Variants in KREMEN1 observed in about 807,000 individuals in gnomAD.
KREMEN1 encodes the protein kringle containing transmembrane protein 1.
A neutral mutation model predicts 46.5 loss-of-function variants in KREMEN1; 30 were observed. That is an observed-to-expected ratio of 0.65 (90% confidence interval 0.48 to 0.88). The LOEUF (loss-of-function observed/expected upper bound fraction) is 0.88. Among genes scored for constraint, KREMEN1 ranks in the 40% least tolerant of loss-of-function variants. The probability of loss-of-function intolerance (pLI) is 0.00; values close to 1 mark genes in which losing one functional copy is unlikely to be tolerated. For missense variants in KREMEN1, 533 were observed against 596.9 expected, an observed-to-expected ratio of 0.89 and a Z score of 1.11; for synonymous variants, 214 against 230.6, an observed-to-expected ratio of 0.93 and a Z score of 0.65.
chr22:29,122,986 C>T (rs1484262005), intron 4 of KREMEN1, among the ~76,000 whole-genome samples: 2 of 142,500 alleles, frequency 1.4e-5, no homozygotes, highest in South Asian at 4.6e-4. Context: ...TTATATACAA[C>T]GTGGATGAAT....
rs1270647098 is a variant in KREMEN1, at chr22:29,142,464, G to T, written c.*352G>T. 3.0e-5 allele frequency: 31 copies of T among 1,030,650 alleles called. No homozygotes were observed. The highest frequency in any genetic ancestry group is 8.1e-5 in the East Asian group (1 of 12,276). The allele number at this position is 1,030,650 out of a possible 1,614,324, so 63.8% of individuals were successfully genotyped here. ...ACAGGGCTCAGGTACATTCTAGATGGCTGTCAGGTGGTGGGTAGCTTTAGT... is the reference window on the plus strand; with the variant it reads ...ACAGGGCTCAGGTACATTCTAGATGTCTGTCAGGTGGTGGGTAGCTTTAGT... On this transcript the variant is annotated 3_prime_UTR_variant, in exon 9 of 9. Coordinates refer to ENST00000400335, the MANE Select transcript of KREMEN1 (RefSeq NM_001039570.3).
intron 9 of KREMEN1, among the ~76,000 whole-genome samples, chr22:29,162,714 C>T (rs1238991781): frequency 1.4e-5 from 2 of 142,538 alleles, no homozygotes; most frequent in South Asian, 2.2e-4. Flanking sequence ...CTCCGTCACA[C>T]AAAAAAAAAG....
At chr22:29,078,962 G>T (rs1485477765) in intron 1 of KREMEN1, among the ~76,000 whole-genome samples, 1 of 152,196 alleles carries the variant, frequency 6.6e-6, no homozygotes, top group Admixed American at 6.5e-5. Context: ...GAATCCAGCT[G>T]GAACCCGTAA....
chr22:29,082,748 G>A (rs564090709), intron 1 of KREMEN1, among the ~76,000 whole-genome samples: 1 of 152,334 alleles, frequency 6.6e-6, no homozygotes, highest in East Asian at 1.9e-4. Flanking sequence ...TGTGGCAGCA[G>A]GCACTGTGAC....
chr22:29,125,081 G>T lies in KREMEN1; in HGVS notation c.478-182G>T, dbSNP rs1037645798. On this transcript the variant is annotated intron_variant, in intron 4 of 8. Coordinates refer to ENST00000400335, the MANE Select transcript of KREMEN1 (RefSeq NM_001039570.3). Reference sequence around the variant, plus strand: ...CCGACAGGGAAACACATTGGTGGTTGCGTACTTATTGTTCAGCTTGAAATT... The same window carrying T: ...CCGACAGGGAAACACATTGGTGGTTTCGTACTTATTGTTCAGCTTGAAATT... The T allele has an allele frequency of 3.4e-4, 218 of 640,254 alleles. 1 individual carries two copies. Among genetic ancestry groups the T allele is most frequent in the Non-Finnish European group, 5.8e-5 (21 of 360,184 alleles). The allele number at this position is 640,254 out of a possible 1,614,324, so 39.7% of individuals were successfully genotyped here.
chr22:29,094,572 T>TACACACACACACACACACACACAC (rs134658), intron 2 of KREMEN1, 152 bp downstream of exon 2: 1 of 253,928 alleles, frequency 3.9e-6, no homozygotes, highest in African/African-American at 2.7e-5. Context: ...TTTCACACCT[T>TACACACACACACACACACACACAC]ACACACACAC....
rs1261380914 is a variant in KREMEN1 at position 29,073,897 on chromosome 22, C to T, written c.97+670C>T. On this transcript the variant is annotated intron_variant, in intron 1 of 8. Transcript: ENST00000400335. The surrounding 1 kb of genome is among the most constrained non-coding windows in gnomAD (Gnocchi z 4.4). ...CGCACCTTGCACCGGGACGACTCCCCCGCTACAAGAGGCTATACGCCCCTC... is the reference window on the plus strand; with the variant it reads ...CGCACCTTGCACCGGGACGACTCCCTCGCTACAAGAGGCTATACGCCCCTC... Among the ~76,000 whole-genome samples the T allele has an allele frequency of 6.6e-6, 1 of 152,178 alleles. No individual in the cohort carries two copies. The highest frequency in any genetic ancestry group is 2.4e-5 in the African/African-American group (1 of 41,464).
chr22:29,101,566 G>A (rs1028894426), intron 3 of KREMEN1, among the ~76,000 whole-genome samples: 2 of 152,208 alleles, frequency 1.3e-5, no homozygotes, highest in Admixed American at 1.3e-4. Context: ...TTGCAGTCCT[G>A]TAAGCTTCAT....
At chr22:29,086,989 C>T (rs2037740076) in intron 1 of KREMEN1, among the ~76,000 whole-genome samples, 2 of 151,992 alleles carry the variant, frequency 1.3e-5, no homozygotes, top group Non-Finnish European at 1.5e-5. Context: ...TCTTGAACTC[C>T]TGGGCTCAAG....
At chr22:29,117,380 A>ACT (rs2145804282) in intron 3 of KREMEN1, among the ~76,000 whole-genome samples, 1 of 152,308 alleles carries the variant, frequency 6.6e-6, no homozygotes, top group East Asian at 1.9e-4. Context: ...ATCCTGGCTA[A>ACT]CATGGTGAAA....
In KREMEN1 at chr22:29,125,474, A is replaced by G. The variant is rs2038427258; in HGVS notation, c.631+58A>G. ...GCACAGGAACCCTTGGACCAGAGCA[A>G]CAAGCCTGCCCACCCTCCCTCCCTT... On this transcript the variant is annotated intron_variant, in intron 5 of 8. Coordinates refer to ENST00000400335, the MANE Select transcript of KREMEN1 (RefSeq NM_001039570.3). The G allele has an allele frequency of 6.4e-6, 10 of 1,572,438 alleles. No homozygotes were observed. In the South Asian group the frequency reaches 1.1e-4, roughly 18 times the overall value.
intron 5 of KREMEN1, among the ~76,000 whole-genome samples, chr22:29,136,390 G>A (rs1264647418): frequency 1.3e-5 from 2 of 151,700 alleles, no homozygotes; most frequent in East Asian, 2.0e-4. Context: ...TGGCTAACAC[G>A]GTGAAACCCC....
chr22:29,162,057 C>CAGTGAGCCGAGATTGT (rs2039016321), intron 9 of KREMEN1, among the ~76,000 whole-genome samples: 1 of 151,040 alleles, frequency 6.6e-6, no homozygotes, highest in African/African-American at 2.4e-5. Context: ...GTGGAGGTTG[C>CAGTGAGCCGAGATTGT]AGTGAGCCGA....
intron 9 of KREMEN1, among the ~76,000 whole-genome samples, chr22:29,162,406 T>C (rs1386879262): frequency 1.5e-5 from 2 of 130,236 alleles, no homozygotes; most frequent in Non-Finnish European, 1.6e-5. Context: ...CACTGAAGCA[T>C]TCCCCCTTGG....
intron 1 of KREMEN1, among the ~76,000 whole-genome samples, chr22:29,075,376 C>G (rs571015486): frequency 1.3e-5 from 2 of 152,298 alleles, no homozygotes; most frequent in South Asian, 4.1e-4. Context: ...GGAAGCTAGT[C>G]TCTTCCCAGA....
intron 9 of KREMEN1, among the ~76,000 whole-genome samples, chr22:29,166,456 G>A (rs1201814219): frequency 6.6e-6 from 1 of 152,172 alleles, no homozygotes; most frequent in Non-Finnish European, 1.5e-5. Context: ...GCATGGGGAG[G>A]TCCCCCTAGA....
intron 1 of KREMEN1, among the ~76,000 whole-genome samples, chr22:29,085,608 A>G (rs964531673): frequency 1.3e-5 from 2 of 152,188 alleles, no homozygotes; most frequent in Non-Finnish European, 2.9e-5. Context: ...ATCTCTATTA[A>G]GCCTTAGATT....
At chr22:29,078,851 C>T (rs1032494776) in intron 1 of KREMEN1, among the ~76,000 whole-genome samples, 2 of 152,248 alleles carry the variant, frequency 1.3e-5, no homozygotes, top group African/African-American at 4.8e-5. Context: ...CCAGCACCCC[C>T]AACGCCACTT....
intron 9 of KREMEN1, among the ~76,000 whole-genome samples, chr22:29,153,870 G>A (rs1321566979): frequency 6.6e-6 from 1 of 151,932 alleles, no homozygotes; most frequent in African/African-American, 2.4e-5. Context: ...ACTCCGGGAG[G>A]CTGAGGCAGG....
Sources: allele counts gnomAD v4.1 joint callset (sites outside exome capture counted in the v4.1 genomes callset), GRCh38; gene constraint gnomAD v4.1.1; non-coding constraint Gnocchi (gnomAD v3.1); transcripts MANE v1.5; gene names NCBI Gene and HGNC (gene_info 2026-07-23, HGNC 2026-07-21).